COQ4: variants seen among roughly 807,000 people sequenced by gnomAD.
COQ4 encodes ubiquinone biosynthesis protein COQ4 homolog, mitochondrial.
In COQ4, 36 loss-of-function variants were observed where a neutral mutation model predicts 30.2. That is an observed-to-expected ratio of 1.19 (90% confidence interval 0.91 to 1.57). The LOEUF (loss-of-function observed/expected upper bound fraction) is 1.57, where lower values mean the gene tolerates loss of function less well. COQ4 is among the 40% of genes most tolerant of loss of function. COQ4 has a pLI of 0.00. For missense variants in COQ4, 369 were observed against 371.9 expected (o/e 0.99, Z 0.07); for synonymous variants, 197 against 161.0 (o/e 1.22, Z -1.69).
intron 4 of COQ4, 116 bp from the exon 5 acceptor site, chr9:128,332,037 A>C: frequency 6.2e-6 from 8 of 1,284,080 alleles, no homozygotes; most frequent in East Asian, 2.6e-5. Flanking sequence ...GCCAGTCGCC[A>C]GAGTTTTCTA....
chr9:128,326,294 T>C (rs906271911), intron 4 of COQ4: 2 of 248,044 alleles, frequency 8.1e-6, no homozygotes, highest in African/African-American at 4.5e-5. Flanking sequence ...ACTGCTGTAC[T>C]GTATCCCTTT....
At position 128,333,602 on chromosome 9, in the gene COQ4, TG is replaced by T; in HGVS notation, c.758del (p.Gly253AlafsTer62). On this transcript the variant is annotated frameshift_variant, in exon 7 of 7. Transcript: ENST00000300452. LOFTEE classifies it high-confidence loss of function. ...TCCCTGAGGGCTCTGCGGGAGGAGC[TG>T]GGCATTACAGCACCACCCATGCACG... is the stretch of plus-strand genomic sequence containing the variant. ...EQSLRALREE[L>X]GITAPPMHVQ... 6.2e-7 allele frequency: 1 copy of T among 1,604,304 alleles called. No individual in the cohort carries two copies. Among genetic ancestry groups the T allele is most frequent in the Non-Finnish European group, 8.5e-7 (1 of 1,176,430 alleles).
intron 4 of COQ4, chr9:128,330,527 T>C (rs2131231776): frequency 6.6e-6 from 1 of 152,238 alleles, no homozygotes; most frequent in South Asian, 2.1e-4. Context: ...AGAGTCTCAC[T>C]CTGTTGCCCA....
intron 2 of COQ4, 31 bp downstream of exon 2, chr9:128,323,178 G>A (rs1364638979): frequency 1.3e-6 from 2 of 1,559,912 alleles, no homozygotes; most frequent in Non-Finnish European, 1.7e-6. Context: ...CCCCCGTGGG[G>A]GCGGCTTGGA....
At chr9:128,327,864 C>A (rs1043914054) in intron 4 of COQ4, among the ~76,000 whole-genome samples, 13 of 152,206 alleles carry the variant, frequency 8.5e-5, no homozygotes, top group African/African-American at 3.1e-4. Context: ...ACAAAACCAG[C>A]AAAAAGCCTG....
intron 2 of COQ4, 91 bp from the exon 3 acceptor site, chr9:128,325,052 A>G (rs1045911958): frequency 9.3e-5 from 79 of 850,354 alleles, no homozygotes; most frequent in Non-Finnish European, 9.0e-5. Flanking sequence ...CATCATCCCT[A>G]ATTTATCCTG....
rs1564392665 is a variant in COQ4 at position 128,329,841 on chromosome 9, C to T, written c.403-2312C>T. On this transcript the variant is annotated intron_variant, in intron 4 of 6. Coordinates refer to ENST00000300452, the MANE Select transcript of COQ4 (RefSeq NM_016035.5). The stretch of plus-strand genomic sequence containing the variant: ...AGGCCATTCTTTGGGAACAGGAAGA[C>T]CAGGCTGTTCCCACTGTGTATGGGT... Among the ~76,000 whole-genome samples, 4 of 152,158 alleles carry T rather than the reference C, an allele frequency of 2.6e-5. No homozygotes were observed. The South Asian group carries it at 8.3e-4, about 31-fold the overall frequency.
chr9:128,323,087 C>T lies in COQ4; in HGVS notation c.142C>T (p.Gln48Ter), dbSNP rs1408133351. ...YSHHLPTSPL[Q>*]KGLLAAGSAA... ...GCACCACCTCCCCACCTCCCCGCTGCAGAAAGGGCTGTTGGCCGCCGGCTC... is the reference window on the plus strand; with the variant it reads ...GCACCACCTCCCCACCTCCCCGCTGTAGAAAGGGCTGTTGGCCGCCGGCTC... The change falls in exon 2 of 7, where the codon CAG (glutamine) becomes TAG (stop). Residue 48 changes from glutamine (Q) to a stop codon, truncating the protein, a stop_gained. Coordinates refer to ENST00000300452, the MANE Select transcript of COQ4 (RefSeq NM_016035.5). LOFTEE classifies it high-confidence loss of function. The T allele has an allele frequency of 1.2e-6, 2 of 1,612,102 alleles. No homozygotes were observed. Among genetic ancestry groups the T allele is most frequent in the East Asian group, 2.2e-5 (1 of 44,862 alleles).
At chr9:128,330,576 C>T (rs1174343855) in intron 4 of COQ4, 1 of 151,628 alleles carries the variant, frequency 6.6e-6, no homozygotes, top group Non-Finnish European at 1.5e-5. Context: ...TCACTGCAAC[C>T]TCTGCCTTCT....
At chr9:128,323,630 G>T (rs1564389754) in intron 2 of COQ4, 3 of 330,946 alleles carry the variant, frequency 9.1e-6, no homozygotes, top group Admixed American at 4.9e-5. Context: ...CTAGATTTTT[G>T]AGTTCTGGGA....
Position 128,332,952 on chromosome 9 carries a change from T to C in COQ4, c.626+9T>C. 12 of 1,609,902 alleles carry C rather than the reference T, an allele frequency of 7.5e-6. No homozygotes were observed. The highest frequency in any genetic ancestry group is 1.0e-5 in the Non-Finnish European group (12 of 1,176,142). On this transcript the variant is annotated intron_variant, in intron 6 of 6. Transcript: ENST00000300452. ...ATCCGACTTGGCGCTCAGTAAGTTT[T>C]CAAGTGGTAGCTGGGTCGGGGTTGA...
At chr9:128,326,941 T>C (rs1181545042) in intron 4 of COQ4, among the ~76,000 whole-genome samples, 1 of 150,948 alleles carries the variant, frequency 6.6e-6, no homozygotes, top group Admixed American at 6.6e-5. Flanking sequence ...TAGAGAGGGG[T>C]TTTACCATAT....
chr9:128,329,493 C>T lies in COQ4; in HGVS notation c.403-2660C>T, dbSNP rs570924919. On this transcript the variant is annotated intron_variant, in intron 4 of 6. Transcript: ENST00000300452. ...CTGGCAATTCTCCTGCCTCAGCCTC[C>T]TGAGTAGCTGGGACTACAGGCGCAC... is the stretch of plus-strand genomic sequence containing the variant. 2.2e-3 allele frequency among the ~76,000 whole-genome samples: 329 copies of T among 152,310 alleles called. 1 individual carries two copies. The highest frequency in any genetic ancestry group is 7.5e-3 in the African/African-American group (313 of 41,568).
intron 4 of COQ4, 199 bp downstream of exon 4, chr9:128,326,080 G>T (rs1430831247): frequency 1.5e-5 from 9 of 610,504 alleles, no homozygotes; most frequent in Non-Finnish European, 2.6e-5. Flanking sequence ...ATACTGGCCA[G>T]TGTTCATTAA....
chr9:128,326,875 C>T (rs367643131), intron 4 of COQ4, among the ~76,000 whole-genome samples: 5 of 151,694 alleles, frequency 3.3e-5, no homozygotes, highest in African/African-American at 4.8e-5. Context: ...CAACCCCCCA[C>T]GTAGCTGGGA....
At chr9:128,332,311 C>T in intron 5 of COQ4, 29 bp downstream of exon 5, 2 of 1,609,564 alleles carry the variant, frequency 1.2e-6, no homozygotes, top group Non-Finnish European at 1.7e-6. Flanking sequence ...GATGGCCTGT[C>T]TCCCTGGGGT....
At position 128,332,940 on chromosome 9, in the gene COQ4, C is replaced by G; in HGVS notation, c.623C>G (p.Ala208Gly). ...GAFFGPIRLGAQSLQVLVSEL... is the reference protein window; with the variant it reads ...GAFFGPIRLGGQSLQVLVSEL... ...TTCTTTGGACCGATCCGACTTGGCG[C>G]TCAGTAAGTTTTCAAGTGGTAGCTG... The change falls in exon 6 of 7, where the codon GCT (alanine) becomes GGT (glycine). Residue 208 changes from alanine to glycine, a missense_variant. Coordinates refer to ENST00000300452, the MANE Select transcript of COQ4 (RefSeq NM_016035.5). The G allele has an allele frequency of 4.3e-6, 7 of 1,613,490 alleles. No individual in the cohort carries two copies. The highest frequency in any genetic ancestry group is 5.9e-6 in the Non-Finnish European group (7 of 1,179,428).
At chr9:128,327,125 C>G (rs541798723) in intron 4 of COQ4, among the ~76,000 whole-genome samples, 8 of 152,016 alleles carry the variant, frequency 5.3e-5, no homozygotes, top group Non-Finnish European at 1.2e-4. Flanking sequence ...TATTCTACTT[C>G]GAGAGGTAGA....
intron 2 of COQ4, among the ~76,000 whole-genome samples, chr9:128,324,194 G>C (rs1832276884): frequency 6.6e-6 from 1 of 151,866 alleles, no homozygotes; most frequent in South Asian, 2.1e-4. Flanking sequence ...GCCCAGGCTG[G>C]TCTCAAACTC....
Sources: gnomAD v4.1 joint callset for allele counts (sites outside exome capture counted in the v4.1 genomes callset) on GRCh38, gnomAD v4.1.1 for gene constraint, MANE v1.5 for transcripts, NCBI Gene and HGNC (gene_info 2026-07-23, HGNC 2026-07-21) for gene names.